JAK1: variants seen among roughly 807,000 people sequenced by gnomAD.
JAK1 encodes Janus kinase 1.
JAK1 carries 16 observed loss-of-function variants against 136.6 expected under a neutral mutation model. That is an observed-to-expected ratio of 0.12 (90% confidence interval 0.08 to 0.18). The LOEUF is 0.18. Among genes scored for constraint, JAK1 ranks in the 10% least tolerant of loss-of-function variants. JAK1 has a pLI of 1.00. For missense variants in JAK1, 859 were observed against 1,450.1 expected, an observed-to-expected ratio of 0.59 and a Z score of 6.62; for synonymous variants, 492 against 519.5, an observed-to-expected ratio of 0.95 and a Z score of 0.72.
chr1:65,050,281 C>T (rs1017749493), intron 1 of JAK1, among the ~76,000 whole-genome samples: 1 of 152,130 alleles, frequency 6.6e-6, no homozygotes, highest in African/African-American at 2.4e-5. Context: ...AAAATATGCA[C>T]CCGCAACACA....
chr1:64,986,939 T>C (rs1335697058), intron 2 of JAK1, among the ~76,000 whole-genome samples: 1 of 152,116 alleles, frequency 6.6e-6, no homozygotes, highest in African/African-American at 2.4e-5. Flanking sequence ...TTGTAAGCTC[T>C]TTATAAAGTT....
At chr1:64,904,760 C>A (rs1645165235) in intron 1 of JAK1, among the ~76,000 whole-genome samples, 1 of 151,638 alleles carries the variant, frequency 6.6e-6, no homozygotes, top group Admixed American at 6.6e-5. Context: ...CACACACACA[C>A]CCTATAAAAT....
intron 1 of JAK1, among the ~76,000 whole-genome samples, chr1:65,053,104 G>C (rs987567979): frequency 1.3e-5 from 2 of 151,276 alleles, no homozygotes; most frequent in East Asian, 1.9e-4. Context: ...CCAGCACTTT[G>C]GGAGGCTGAG....
chr1:64,896,048 G>C (rs1645009196), intron 1 of JAK1, among the ~76,000 whole-genome samples: 1 of 152,230 alleles, frequency 6.6e-6, no homozygotes, highest in African/African-American at 2.4e-5. Context: ...TTAGATGGTA[G>C]ATGGGTATCC....
chr1:64,998,104 G>A (rs1167742511), intron 2 of JAK1, among the ~76,000 whole-genome samples: 4 of 152,156 alleles, frequency 2.6e-5, no homozygotes. Flanking sequence ...TGAACTGGAA[G>A]TCAGATCCTA....
intron 1 of JAK1, among the ~76,000 whole-genome samples, chr1:64,930,383 C>G (rs529645970): frequency 1.3e-5 from 2 of 152,154 alleles, no homozygotes; most frequent in Admixed American, 6.5e-5. Flanking sequence ...ATGTGGCCAA[C>G]AAACATAGGG....
chr1:64,888,724 A>C (rs572789868), intron 1 of JAK1, among the ~76,000 whole-genome samples: 2 of 152,256 alleles, frequency 1.3e-5, no homozygotes, highest in African/African-American at 4.8e-5. Context: ...ACTGACCTCC[A>C]GTATTATTGA....
chr1:64,989,011 T>TATATATATATATAA (rs1305001371), intron 2 of JAK1, among the ~76,000 whole-genome samples: 16 of 120,716 alleles, frequency 1.3e-4, no homozygotes, highest in Admixed American at 4.0e-4. Context: ...TGTATATATA[T>TATATATATATATAA]ATATATATAT....
intron 1 of JAK1, among the ~76,000 whole-genome samples, chr1:65,058,730 A>G (rs777510862): frequency 6.6e-6 from 1 of 152,200 alleles, no homozygotes; most frequent in East Asian, 1.9e-4. Flanking sequence ...TGACTTATCC[A>G]TATTAATGAG....
At chr1:64,907,893 T>C (rs1432499770) in intron 1 of JAK1, among the ~76,000 whole-genome samples, 1 of 152,204 alleles carries the variant, frequency 6.6e-6, no homozygotes, top group Non-Finnish European at 1.5e-5. Flanking sequence ...ACACCAAAAC[T>C]GTATTCATTA....
intron 1 of JAK1, among the ~76,000 whole-genome samples, chr1:64,892,765 A>G (rs1020897326): frequency 2.0e-5 from 3 of 152,176 alleles, no homozygotes; most frequent in Admixed American, 2.0e-4. Flanking sequence ...CCCACAGTCA[A>G]CTGGCCAGTG....
At chr1:64,924,433 T>C (rs6700798) in intron 1 of JAK1, among the ~76,000 whole-genome samples, 1,800 of 152,280 alleles carry the variant, frequency 0.012, 36 homozygotes, top group African/African-American at 0.04. Context: ...GTGCACATTA[T>C]AGGATTCCTA....
rs1656752841 is a variant in JAK1, at chr1:64,867,087, A to C, written c.769T>G (p.Cys257Gly). 3 of 1,614,166 alleles carry C rather than the reference A, an allele frequency of 1.9e-6. No homozygotes were observed. Residue 257 changes from cysteine to glycine, a missense_variant, in exon 7 of 25, where the codon TGT (cysteine) becomes GGT (glycine). Transcript: ENST00000342505. ...TCATGCGTGGACACGCTGCTGTCACAAATGGTCTTGTTGTTAAATTCCTTT... is the reference window on the plus strand; with the variant it reads ...TCATGCGTGGACACGCTGCTGTCACCAATGGTCTTGTTGTTAAATTCCTTT... Reference protein sequence around the residue: ...FLKEFNNKTICDSSVSTHDLK... With the variant: ...FLKEFNNKTIGDSSVSTHDLK...
At chr1:64,973,586 C>T (rs1437395165) in intron 2 of JAK1, 2 of 132,724 alleles carry the variant, frequency 1.5e-5, no homozygotes, top group Non-Finnish European at 3.1e-5. Flanking sequence ...AGTAAATGTT[C>T]ACCTTTTAAC....
At chr1:64,985,813 G>A in intron 2 of JAK1, 2 of 628,670 alleles carry the variant, frequency 3.2e-6, no homozygotes, top group East Asian at 6.1e-5. Flanking sequence ...TTGACAGTAA[G>A]CATTGAATTA....
At chr1:65,045,252 T>C (rs2100844651) in intron 1 of JAK1, among the ~76,000 whole-genome samples, 1 of 152,366 alleles carries the variant, frequency 6.6e-6, no homozygotes, top group Non-Finnish European at 1.5e-5. Flanking sequence ...GGCTGATCTC[T>C]GGCCCAAAGC....
upstream of JAK1, among the ~76,000 whole-genome samples, chr1:64,967,340 G>A (rs2100659920): frequency 1.3e-5 from 2 of 152,270 alleles, no homozygotes; most frequent in South Asian, 4.1e-4. Context: ...GGTCCGAGCT[G>A]CCACCATCTC....
chr1:64,988,812 C>T (rs2100716339), intron 2 of JAK1, among the ~76,000 whole-genome samples: 1 of 151,828 alleles, frequency 6.6e-6, no homozygotes, highest in Non-Finnish European at 1.5e-5. Flanking sequence ...TCATTTGAGC[C>T]TGGGAAGTCA....
At chr1:64,952,593 G>A (rs1465272265) in intron 1 of JAK1, among the ~76,000 whole-genome samples, 1 of 152,126 alleles carries the variant, frequency 6.6e-6, no homozygotes, top group Non-Finnish European at 1.5e-5. Flanking sequence ...AATGTATAGG[G>A]AAGGGATCAA....
Sources: gnomAD v4.1 joint callset for allele counts (sites outside exome capture counted in the v4.1 genomes callset) on GRCh38, gnomAD v4.1.1 for gene constraint, MANE v1.5 for transcripts, NCBI Gene and HGNC (gene_info 2026-07-23, HGNC 2026-07-21) for gene names.